Variants in SKI observed in about 807,000 individuals in gnomAD.
The protein encoded by SKI is SKI proto-oncogene.
A neutral mutation model predicts 59.3 loss-of-function variants in SKI; 23 were observed. The observed-to-expected ratio is 0.39, with a 90% CI of 0.28 to 0.55. SKI has a LOEUF of 0.55. Among genes scored for constraint, SKI ranks in the 20% least tolerant of loss-of-function variants. SKI has a pLI of 0.67. For missense variants in SKI, 1,017 were observed against 1,038.9 expected, an observed-to-expected ratio of 0.98 and a Z score of 0.29; for synonymous variants, 673 against 488.6, an observed-to-expected ratio of 1.38 and a Z score of -4.98.
intron 1 of SKI, among the ~76,000 whole-genome samples, chr1:2,260,339 A>G (rs1392782846): frequency 6.6e-6 from 1 of 152,018 alleles, no homozygotes; most frequent in East Asian, 1.9e-4. Flanking sequence ...GATTTTTGCC[A>G]GTTATTTTAG....
At position 2,268,219 on chromosome 1, in the gene SKI, G is replaced by A. The variant is rs561942270; in HGVS notation, c.970-34759G>A. 1.3e-3 allele frequency among the ~76,000 whole-genome samples: 198 copies of A among 152,308 alleles called. 2 individuals carry two copies. The highest frequency in any genetic ancestry group is 4.6e-3 in the African/African-American group (193 of 41,576). ...CTGTCGCCCATCCTTGGGGGCCGGC[G>A]TCGCCTCCCTGCTGCTCCTACTGTG... is the stretch of plus-strand genomic sequence containing the variant. On this transcript the variant is annotated intron_variant, in intron 1 of 6. Coordinates refer to ENST00000378536, the MANE Select transcript of SKI (RefSeq NM_003036.4). This position sits in a 1 kb window ranked among gnomAD's most constrained non-coding sequence, Gnocchi z 5.0.
At chr1:2,284,136 T>C (rs1399803749) in intron 1 of SKI, among the ~76,000 whole-genome samples, 1 of 152,122 alleles carries the variant, frequency 6.6e-6, no homozygotes, top group Non-Finnish European at 1.5e-5. Flanking sequence ...GGACCTCCCC[T>C]CTTGGGTGTC....
At position 2,302,959 on chromosome 1, in the gene SKI, A is replaced by G. The variant is rs376892386; in HGVS notation, c.970-19A>G. On this transcript the variant is annotated intron_variant, in intron 1 of 6. Coordinates refer to ENST00000378536, the MANE Select transcript of SKI (RefSeq NM_003036.4). Reference sequence around the variant, plus strand: ...CCCTGGGAACCACAGGTGCCAACAAAACCTTTCATTGATCGCAGGTCTCCT... The same window carrying G: ...CCCTGGGAACCACAGGTGCCAACAAGACCTTTCATTGATCGCAGGTCTCCT... The G allele has an allele frequency of 5.3e-5, 86 of 1,613,146 alleles. No homozygotes were observed. Among genetic ancestry groups the G allele is most frequent in the Non-Finnish European group, 6.9e-5 (82 of 1,179,966 alleles).
chr1:2,231,137 G>T (rs905794786), intron 1 of SKI, among the ~76,000 whole-genome samples: 4 of 152,166 alleles, frequency 2.6e-5, no homozygotes, highest in African/African-American at 9.7e-5. Context: ...GTTGGGGTGG[G>T]CCCGATGGCG....
intron 1 of SKI, among the ~76,000 whole-genome samples, chr1:2,299,276 C>A (rs1047087800): frequency 2.0e-5 from 3 of 152,056 alleles, no homozygotes; most frequent in Admixed American, 2.0e-4. Context: ...CACGGGCAGG[C>A]GGGGCAGCAG....
intron 1 of SKI, among the ~76,000 whole-genome samples, chr1:2,233,462 T>C (rs1461812978): frequency 6.6e-6 from 1 of 152,146 alleles, no homozygotes; most frequent in African/African-American, 2.4e-5. Context: ...GATGCCTGAA[T>C]TCCCAGGGGT....
In SKI at chr1:2,307,588, G is replaced by T. The variant is rs1294643354; in HGVS notation, c.*823G>T. 2.6e-5 allele frequency: 4 copies of T among 152,602 alleles called. No individual in the cohort carries two copies. The East Asian group carries it at 5.8e-4, about 22-fold the overall frequency. 9.5% of individuals were successfully genotyped at this position (152,602 alleles called of 1,614,324 possible). ...ACGCCCTCAGCCCCTCCGGGCACAC[G>T]TGCCGCCTGACCGGGCGACCCTTTT... On this transcript the variant is annotated 3_prime_UTR_variant, in exon 7 of 7. Coordinates refer to ENST00000378536, the MANE Select transcript of SKI (RefSeq NM_003036.4).
At chr1:2,245,160 G>A (rs1203969727) in intron 1 of SKI, among the ~76,000 whole-genome samples, 1 of 152,040 alleles carries the variant, frequency 6.6e-6, no homozygotes, top group Non-Finnish European at 1.5e-5. Context: ...GACTCTAGGG[G>A]CCTCCTGTGA....
chr1:2,231,540 A>G (rs1569666472), intron 1 of SKI, among the ~76,000 whole-genome samples: 2 of 152,320 alleles, frequency 1.3e-5, no homozygotes, highest in East Asian at 3.9e-4. Context: ...TTGGGCCGCC[A>G]TAGAGACAGG....
chr1:2,297,844 TCCCATGGCG>T (rs1640322301), intron 1 of SKI, among the ~76,000 whole-genome samples: 1 of 152,232 alleles, frequency 6.6e-6, no homozygotes, highest in South Asian at 2.1e-4. Context: ...GACTGGCCAC[TCCCATGGCG>T]CATGCATTCC....
chr1:2,282,140 C>T lies in SKI; in HGVS notation c.970-20838C>T, dbSNP rs202197813. On this transcript the variant is annotated intron_variant, in intron 1 of 6. Coordinates refer to ENST00000378536, the MANE Select transcript of SKI (RefSeq NM_003036.4). ...AGATGCCCGAGAAGACAGGCGGTGGCGGAGATCTTCAGAGAGAGGACGCCC... is the reference window on the plus strand; with the variant it reads ...AGATGCCCGAGAAGACAGGCGGTGGTGGAGATCTTCAGAGAGAGGACGCCC... 1.5e-3 allele frequency among the ~76,000 whole-genome samples: 90 copies of T among 59,612 alleles called. 6 individuals carry two copies. Among genetic ancestry groups the T allele is most frequent in the East Asian group, 7.5e-3 (14 of 1,864 alleles). 39.1% of individuals were successfully genotyped at this position (59,612 alleles called of 152,430 possible).
chr1:2,263,898 A>G (rs1569757786), intron 1 of SKI, among the ~76,000 whole-genome samples: 1 of 149,318 alleles, frequency 6.7e-6, no homozygotes, highest in African/African-American at 2.5e-5. Context: ...TCGTGGGGCT[A>G]GGCATGGTGG....
chr1:2,307,426 AG>A lies in SKI; in HGVS notation c.*663del, dbSNP rs1453774611. Reference sequence around the variant, plus strand: ...TGCCAGCGCTGTCCCCACGGGTACCAGGAAGTGCAGAGCCGCACAGGAGCTG... The same window carrying A: ...TGCCAGCGCTGTCCCCACGGGTACCAGAAGTGCAGAGCCGCACAGGAGCTG... On this transcript the variant is annotated 3_prime_UTR_variant, in exon 7 of 7. Transcript: ENST00000378536. 1.3e-5 allele frequency: 2 copies of A among 152,430 alleles called. No homozygotes were observed. Among genetic ancestry groups the A allele is most frequent in the Non-Finnish European group, 2.9e-5 (2 of 68,070 alleles). The allele number at this position is 152,430 out of a possible 1,614,324, so 9.4% of individuals were successfully genotyped here.
At chr1:2,290,879 C>T (rs956877805) in intron 1 of SKI, among the ~76,000 whole-genome samples, 6 of 152,250 alleles carry the variant, frequency 3.9e-5, no homozygotes, top group African/African-American at 1.2e-4. Flanking sequence ...GAACCGCGAC[C>T]GCAGCATCCT....
rs563302693 is a variant in SKI at position 2,233,009 on chromosome 1, C to T, written c.969+3274C>T. Reference sequence around the variant, plus strand: ...ACTCCATTGGACTACATTTTTTTGTCAGTATAGACAGCTGTCAGAGACGGA... The same window carrying T: ...ACTCCATTGGACTACATTTTTTTGTTAGTATAGACAGCTGTCAGAGACGGA... On this transcript the variant is annotated intron_variant, in intron 1 of 6. Transcript: ENST00000378536. 3.3e-5 allele frequency among the ~76,000 whole-genome samples: 5 copies of T among 152,220 alleles called. No homozygotes were observed. The South Asian group carries it at 1.0e-3, about 32-fold the overall frequency.
intron 1 of SKI, among the ~76,000 whole-genome samples, chr1:2,278,020 A>G (rs1421231419): frequency 6.6e-6 from 1 of 152,214 alleles, no homozygotes; most frequent in African/African-American, 2.4e-5. Flanking sequence ...CCATGGGCAC[A>G]CACACATGCA....
chr1:2,253,253 G>C (rs10910038), intron 1 of SKI, among the ~76,000 whole-genome samples: 17,666 of 152,168 alleles, frequency 0.12, 1,705 homozygotes, highest in East Asian at 0.44. Context: ...AGGCTCCAGA[G>C]CACCCGGGCC....
intron 1 of SKI, among the ~76,000 whole-genome samples, chr1:2,290,664 CAGGAGG>C (rs370758300): frequency 2.0e-5 from 3 of 151,916 alleles, no homozygotes; most frequent in South Asian, 2.1e-4. Context: ...GTCTTGTAGG[CAGGAGG>C]AGGAGGAGGA....
intron 1 of SKI, among the ~76,000 whole-genome samples, chr1:2,275,954 C>T (rs1639733855): frequency 6.6e-6 from 1 of 152,150 alleles, no homozygotes; most frequent in Non-Finnish European, 1.5e-5. Flanking sequence ...GGAATTCTTA[C>T]AGGCCCTACA....
Sources: gnomAD v4.1 joint callset for allele counts (sites outside exome capture counted in the v4.1 genomes callset) on GRCh38, gnomAD v4.1.1 for gene constraint, Gnocchi (gnomAD v3.1) non-coding constraint, MANE v1.5 for transcripts, NCBI Gene and HGNC (gene_info 2026-07-23, HGNC 2026-07-21) for gene names.